SUGCT: variants seen among roughly 807,000 people sequenced by gnomAD.
SUGCT encodes succinyl-CoA:glutarate CoA-transferase.
Under a neutral mutation model 55.0 loss-of-function variants are expected in SUGCT, and 41 were observed. The observed-to-expected ratio is 0.74, with a 90% confidence interval of 0.58 to 0.97. The LOEUF (loss-of-function observed/expected upper bound fraction) is 0.97. SUGCT is among the 50% of genes least tolerant of loss of function. The pLI, the probability that SUGCT is intolerant of heterozygous loss-of-function variation, is 0.00. For missense variants in SUGCT, 568 were observed against 547.8 expected, an observed-to-expected ratio of 1.04 and a Z score of -0.37; for synonymous variants, 187 against 200.4, an observed-to-expected ratio of 0.93 and a Z score of 0.56.
intron 12 of SUGCT, among the ~76,000 whole-genome samples, chr7:40,617,728 C>T (rs1224033060): frequency 3.3e-5 from 5 of 152,092 alleles, no homozygotes; most frequent in Non-Finnish European, 5.9e-5. Flanking sequence ...AAACCAATAA[C>T]TGCATACTTT....
intron 11 of SUGCT, among the ~76,000 whole-genome samples, chr7:40,489,743 C>T (rs1195728196): frequency 6.6e-6 from 1 of 152,046 alleles, no homozygotes; most frequent in Non-Finnish European, 1.5e-5. Context: ...AACACACACA[C>T]ACACAAACTG....
chr7:40,895,409 A>G, the SUGCT span, among the ~76,000 whole-genome samples: 4 of 152,150 alleles, frequency 2.6e-5, no homozygotes, highest in Non-Finnish European at 5.9e-5. Flanking sequence ...CCAAACCCCA[A>G]TGACATGCAA....
intron 6 of SUGCT, among the ~76,000 whole-genome samples, chr7:40,212,956 T>A (rs539321456): frequency 5.6e-4 from 86 of 152,318 alleles, no homozygotes; most frequent in African/African-American, 2.0e-3. Flanking sequence ...TATGAGAACG[T>A]CGTATCATAT....
intron 7 of SUGCT, among the ~76,000 whole-genome samples, chr7:40,257,540 A>G (rs1293570420): frequency 6.6e-6 from 1 of 152,170 alleles, no homozygotes; most frequent in Non-Finnish European, 1.5e-5. Flanking sequence ...AGACTAAAGT[A>G]AATGTTAATA....
In SUGCT at chr7:40,274,581, T is replaced by G. The variant is rs573495001; in HGVS notation, c.645T>G (p.Ala215=). ...DLATGLYAYG[A]IMAGLIQKYK... is the part of the protein sequence containing the mutation. ...CCACTGGCCTGTATGCATATGGAGC[T>G]ATTATGGCTGGATTGATACAAAAAT... Residue 215 remains alanine (A), a synonymous_variant, in exon 8 of 14, where the codon GCT becomes GCG. Coordinates refer to ENST00000335693, the MANE Select transcript of SUGCT (RefSeq NM_001193313.2). 42 of 1,613,808 alleles carry G rather than the reference T, an allele frequency of 2.6e-5. No individual in the cohort carries two copies. The highest frequency in any genetic ancestry group is 1.7e-4 in the Admixed American group (10 of 60,004).
chr7:40,698,821 G>C (rs1785051651), intron 12 of SUGCT, among the ~76,000 whole-genome samples: 1 of 152,158 alleles, frequency 6.6e-6, no homozygotes, highest in African/African-American at 2.4e-5. Flanking sequence ...CTGCGATTTT[G>C]GTATAGGCTC....
intron 13 of SUGCT, among the ~76,000 whole-genome samples, chr7:40,859,880 C>A (rs1457070471): frequency 6.6e-6 from 1 of 152,202 alleles, no homozygotes; most frequent in Non-Finnish European, 1.5e-5. Flanking sequence ...CTTGGAACTA[C>A]ACAGTAGACA....
At chr7:40,631,129 G>A (rs1042230633) in intron 12 of SUGCT, among the ~76,000 whole-genome samples, 1 of 152,110 alleles carries the variant, frequency 6.6e-6, no homozygotes, top group Non-Finnish European at 1.5e-5. Flanking sequence ...TGATAGGAAA[G>A]AACAAACATA....
intron 9 of SUGCT, among the ~76,000 whole-genome samples, chr7:40,350,498 C>CT (rs890603041): frequency 4.1e-5 from 6 of 146,552 alleles, no homozygotes; most frequent in South Asian, 2.2e-4. Context: ...TTTTTTTCTT[C>CT]TTTTTTTTTC....
At chr7:40,530,931 G>A (rs970055822) in intron 12 of SUGCT, among the ~76,000 whole-genome samples, 31 of 152,138 alleles carry the variant, frequency 2.0e-4, no homozygotes, top group Non-Finnish European at 2.6e-4. Context: ...GGGTCTCAAA[G>A]AACACACAGC....
chr7:40,272,110 T>G (rs1370612160), intron 7 of SUGCT, among the ~76,000 whole-genome samples: 7 of 123,414 alleles, frequency 5.7e-5, no homozygotes, highest in Admixed American at 1.6e-4. Context: ...TATATATATA[T>G]ATGGATGTTT....
chr7:40,859,661 A>T (rs144585692), intron 13 of SUGCT, among the ~76,000 whole-genome samples: 31 of 152,336 alleles, frequency 2.0e-4, no homozygotes, highest in African/African-American at 7.5e-4. Flanking sequence ...CCTTACCTGA[A>T]GTCTGTATAG....
intron 9 of SUGCT, among the ~76,000 whole-genome samples, chr7:40,408,308 G>A (rs1365088525): frequency 6.6e-6 from 1 of 151,996 alleles, no homozygotes; most frequent in Non-Finnish European, 1.5e-5. Flanking sequence ...AGGAAACCTA[G>A]TCCTTATCAT....
At chr7:40,808,087 A>G (rs191113331) in intron 13 of SUGCT, 2 of 152,314 alleles carry the variant, frequency 1.3e-5, no homozygotes, top group East Asian at 1.9e-4. Context: ...ATTAAATCCA[A>G]TCAAGTTGAC....
At chr7:40,740,306 A>G (rs1584367149) in intron 12 of SUGCT, among the ~76,000 whole-genome samples, 1 of 151,918 alleles carries the variant, frequency 6.6e-6, no homozygotes, top group African/African-American at 2.4e-5. Context: ...GTATTTTTGT[A>G]TATTTTCTTG....
rs1799535037 is a variant in SUGCT, at chr7:40,626,492, T to C, written c.1090-122942T>C. The stretch of plus-strand genomic sequence containing the variant: ...TGGTCTCGATCTCTTGACCTCGTGA[T>C]CCACCCGCCTCAGCCTCTCAAAGTG... On this transcript the variant is annotated intron_variant, in intron 12 of 13. Coordinates refer to ENST00000335693, the MANE Select transcript of SUGCT (RefSeq NM_001193313.2). 3.9e-5 allele frequency among the ~76,000 whole-genome samples: 6 copies of C among 151,912 alleles called. No individual in the cohort carries two copies. In the South Asian group the frequency reaches 1.2e-3, roughly 32 times the overall value.
chr7:40,439,239 A>G (rs1420871298), intron 9 of SUGCT, among the ~76,000 whole-genome samples: 1 of 150,626 alleles, frequency 6.6e-6, no homozygotes, highest in Non-Finnish European at 1.5e-5. Flanking sequence ...GAAGCATTCT[A>G]CATTCTAACC....
rs10230142 is a variant in SUGCT, at chr7:40,291,674, T to A, written c.720+17018T>A. 4.0e-3 allele frequency among the ~76,000 whole-genome samples: 591 copies of A among 147,920 alleles called. 3 individuals are homozygous for A. Among genetic ancestry groups the A allele is most frequent in the African/African-American group, 0.013 (544 of 40,818 alleles). ...GTATAATAATAATAAAATAAAAAAATATATATATAGTAATAAAAGTTATGT... is the reference window on the plus strand; with the variant it reads ...GTATAATAATAATAAAATAAAAAAAAATATATATAGTAATAAAAGTTATGT... On this transcript the variant is annotated intron_variant, in intron 8 of 13. Coordinates refer to ENST00000335693, the MANE Select transcript of SUGCT (RefSeq NM_001193313.2).
chr7:40,931,711 G>A, the SUGCT span, among the ~76,000 whole-genome samples: 1 of 152,156 alleles, frequency 6.6e-6, no homozygotes, highest in African/African-American at 2.4e-5. Flanking sequence ...TATTTGCATA[G>A]AGGTCTTTAT....
Sources: allele counts gnomAD v4.1 joint callset (sites outside exome capture counted in the v4.1 genomes callset), GRCh38; gene constraint gnomAD v4.1.1; transcripts MANE v1.5; gene names NCBI Gene and HGNC (gene_info 2026-07-23, HGNC 2026-07-21).